Variants in NCOA2 observed in about 807,000 individuals in gnomAD.
NCOA2 encodes class E basic helix-loop-helix protein 75.
Under a neutral mutation model 145.1 loss-of-function variants are expected in NCOA2, and 21 were observed. The observed-to-expected ratio is 0.14, with a 90% confidence interval of 0.10 to 0.21. NCOA2 has a LOEUF of 0.21. Among genes scored for constraint, NCOA2 ranks in the 10% least tolerant of loss-of-function variants. The probability of loss-of-function intolerance (pLI) is 1.00; values close to 1 mark genes in which losing one functional copy is unlikely to be tolerated. For synonymous variants in NCOA2, 619 were observed against 637.5 expected, an observed-to-expected ratio of 0.97 and a Z score of 0.44; for missense variants, 1,472 against 1,837.6, an observed-to-expected ratio of 0.80 and a Z score of 3.64.
At chr8:70,353,291 C>T (rs138840745) in intron 1 of NCOA2, among the ~76,000 whole-genome samples, 1 of 150,244 alleles carries the variant, frequency 6.7e-6, no homozygotes, top group African/African-American at 2.5e-5. Flanking sequence ...CCTCTGTCAC[C>T]CAGGCTGAAG....
chr8:70,139,854 T>C (rs1810181235), intron 14 of NCOA2, among the ~76,000 whole-genome samples: 1 of 152,006 alleles, frequency 6.6e-6, no homozygotes, highest in Admixed American at 6.6e-5. Flanking sequence ...GGTTTCACCA[T>C]GTTGGCCAGG....
At chr8:70,182,118 A>T (rs1257815428) in intron 4 of NCOA2, among the ~76,000 whole-genome samples, 1 of 152,208 alleles carries the variant, frequency 6.6e-6, no homozygotes, top group African/African-American at 2.4e-5. Context: ...GTGCTCTCCA[A>T]ATGTGTTTAT....
At chr8:70,388,096 C>G (rs1812835921) in intron 1 of NCOA2, among the ~76,000 whole-genome samples, 1 of 152,112 alleles carries the variant, frequency 6.6e-6, no homozygotes, top group Admixed American at 6.6e-5. Context: ...ATAACGCCAC[C>G]AAGTTTGGGA....
chr8:70,322,124 GA>G (rs758480416), intron 1 of NCOA2, among the ~76,000 whole-genome samples: 8 of 149,182 alleles, frequency 5.4e-5, no homozygotes, highest in Non-Finnish European at 7.4e-5. Flanking sequence ...TCCAGAGGGG[GA>G]AAAAAAAACC....
intron 12 of NCOA2, among the ~76,000 whole-genome samples, chr8:70,145,484 A>G (rs1272879631): frequency 6.6e-6 from 1 of 151,754 alleles, no homozygotes; most frequent in African/African-American, 2.4e-5. Flanking sequence ...CACCATGCCC[A>G]GCTAATTTTT....
rs1209017347 is a variant in NCOA2 at position 70,159,255 on chromosome 8, T to TTC, written c.1124+249_1124+250insGA. Among the ~76,000 whole-genome samples, 525 of 137,528 alleles carry TTC rather than the reference T, an allele frequency of 3.8e-3. 13 individuals carry two copies. Among genetic ancestry groups the TTC allele is most frequent in the African/African-American group, 0.013 (491 of 36,888 alleles). The allele number at this position is 137,528 out of a possible 152,430, so 90.2% of individuals were successfully genotyped here. A position where few individuals can be genotyped will look rare whatever the true frequency, so the allele number is the denominator to read the frequency against. On this transcript the variant is annotated intron_variant, in intron 10 of 22. Coordinates refer to ENST00000452400, the MANE Select transcript of NCOA2 (RefSeq NM_006540.4). The stretch of plus-strand genomic sequence containing the variant: ...ATATATATATATATTTTTTTTTTTT[T>TTC]CCCCCAAATATTTTCCATCTGTGGT...
rs533410132 is a variant in NCOA2, at chr8:70,116,634, T to TG, written c.4384-2992dup. ...AAACACGGGATGATGACTGAACCCCTGTCAATGTGCACATAAGTAGCACAG... is the reference window on the plus strand; with the variant it reads ...AAACACGGGATGATGACTGAACCCCTGGTCAATGTGCACATAAGTAGCACAG... On this transcript the variant is annotated intron_variant, in intron 22 of 22. Transcript: ENST00000452400. Among the ~76,000 whole-genome samples, 57 of 152,338 alleles carry TG rather than the reference T, an allele frequency of 3.7e-4. No individual in the cohort carries two copies. The East Asian group carries it at 0.01, about 28-fold the overall frequency.
At chr8:70,424,436 G>C in the NCOA2 span, 33 of 476,288 alleles carry the variant, frequency 6.9e-5, no homozygotes, top group East Asian at 1.8e-3. Flanking sequence ...GTTAGTGTCT[G>C]CTTTCTCAAT....
At chr8:70,216,226 A>G (rs964285229) in intron 3 of NCOA2, among the ~76,000 whole-genome samples, 2 of 152,182 alleles carry the variant, frequency 1.3e-5, no homozygotes, top group Admixed American at 1.3e-4. Flanking sequence ...ATTTGCTTTA[A>G]AATTCTTTGT....
intron 2 of NCOA2, among the ~76,000 whole-genome samples, chr8:70,271,332 T>C (rs1825029700): frequency 6.6e-6 from 1 of 152,226 alleles, no homozygotes; most frequent in African/African-American, 2.4e-5. Context: ...AATTTTTACA[T>C]ATTTCAACTG....
chr8:70,179,661 A>T (rs1306354853), intron 4 of NCOA2, among the ~76,000 whole-genome samples: 1 of 152,186 alleles, frequency 6.6e-6, no homozygotes, highest in Non-Finnish European at 1.5e-5. Flanking sequence ...GCGGTCACAA[A>T]CTATATTTAC....
intron 11 of NCOA2, among the ~76,000 whole-genome samples, chr8:70,153,369 CTAAA>C (rs1240493591): frequency 4.6e-5 from 7 of 152,164 alleles, no homozygotes; most frequent in African/African-American, 1.7e-4. Flanking sequence ...AACATTTCTC[CTAAA>C]TAAATAACCT....
chr8:70,230,729 A>C (rs1821060715), intron 2 of NCOA2, among the ~76,000 whole-genome samples: 1 of 152,220 alleles, frequency 6.6e-6, no homozygotes, highest in African/African-American at 2.4e-5. Context: ...CCTAGTATAC[A>C]ATTTAGAAAA....
At chr8:70,295,851 A>G (rs957724722) in intron 2 of NCOA2, among the ~76,000 whole-genome samples, 1 of 152,216 alleles carries the variant, frequency 6.6e-6, no homozygotes, top group African/African-American at 2.4e-5. Context: ...AGGCTGAGGC[A>G]GGAGAATCGC....
the NCOA2 span, among the ~76,000 whole-genome samples, chr8:70,440,068 T>G: frequency 2.1e-4 from 32 of 152,220 alleles, no homozygotes; most frequent in Middle Eastern, 0.01. Context: ...TGGAAGCTTG[T>G]TAGAAACGAG....
At chr8:70,405,043 C>T (rs901546780), upstream of NCOA2, among the ~76,000 whole-genome samples, 1 of 152,152 alleles carries the variant, frequency 6.6e-6, no homozygotes, top group Non-Finnish European at 1.5e-5. Context: ...ATGCTATAGG[C>T]CTTAATCCTC....
intron 1 of NCOA2, among the ~76,000 whole-genome samples, chr8:70,374,438 T>C (rs1347377016): frequency 1.3e-5 from 2 of 150,690 alleles, no homozygotes; most frequent in South Asian, 4.2e-4. Context: ...CGCCACAGCA[T>C]TCCAGCCTGG....
intron 2 of NCOA2, among the ~76,000 whole-genome samples, chr8:70,276,815 A>G (rs11993681): frequency 0.055 from 8,344 of 152,238 alleles, 304 homozygotes; most frequent in East Asian, 0.16. Flanking sequence ...GTTAGTCTCA[A>G]AACAATTCTC....
At chr8:70,401,520 GA>G (rs1009191232) in intron 1 of NCOA2, among the ~76,000 whole-genome samples, 12 of 147,040 alleles carry the variant, frequency 8.2e-5, no homozygotes, top group African/African-American at 1.5e-4. Flanking sequence ...TTTGCAAAAA[GA>G]AAAAAAAATG....
Sources: gnomAD v4.1 joint callset for allele counts (sites outside exome capture counted in the v4.1 genomes callset) on GRCh38, gnomAD v4.1.1 for gene constraint, MANE v1.5 for transcripts, NCBI Gene and HGNC (gene_info 2026-07-23, HGNC 2026-07-21) for gene names.